Variants in TNRC6C observed in about 807,000 individuals in gnomAD.
TNRC6C encodes trinucleotide repeat containing adaptor 6C, also known as trinucleotide repeat-containing gene 6C protein.
In TNRC6C, 20 loss-of-function variants were observed where a neutral mutation model predicts 153.7. That is an observed-to-expected ratio of 0.13 (90% CI 0.09 to 0.19). TNRC6C has a LOEUF of 0.19. TNRC6C is among the 10% of genes least tolerant of loss of function. The probability of loss-of-function intolerance (pLI) is 1.00; values close to 1 mark genes in which losing one functional copy is unlikely to be tolerated. For synonymous variants in TNRC6C, 811 were observed against 841.4 expected, an observed-to-expected ratio of 0.96 and a Z score of 0.63; for missense variants, 1,987 against 2,172.0, an observed-to-expected ratio of 0.91 and a Z score of 1.69.
At chr17:78,085,308 A>G (rs770126126) in intron 11 of TNRC6C, among the ~76,000 whole-genome samples, 1 of 152,230 alleles carries the variant, frequency 6.6e-6, no homozygotes, top group Non-Finnish European at 1.5e-5. Flanking sequence ...ATTTTAAAAC[A>G]ATGTATTCTG....
chr17:77,999,051 G>C (rs943108228), intron 1 of TNRC6C, among the ~76,000 whole-genome samples: 2 of 152,330 alleles, frequency 1.3e-5, no homozygotes, highest in African/African-American at 4.8e-5. Context: ...GCAGGGGGGT[G>C]TTGACATCGT....
chr17:78,089,323 A>G (rs1196073413), intron 13 of TNRC6C, among the ~76,000 whole-genome samples: 2 of 152,238 alleles, frequency 1.3e-5, no homozygotes, highest in Non-Finnish European at 2.9e-5. Flanking sequence ...GAATTCATGC[A>G]GTGAATCTTT....
At chr17:78,095,518 C>T (rs1010361011) in intron 16 of TNRC6C, among the ~76,000 whole-genome samples, 12 of 152,332 alleles carry the variant, frequency 7.9e-5, no homozygotes, top group African/African-American at 2.2e-4. Flanking sequence ...CCCGGGTGCT[C>T]GACGTTTGGG....
intron 3 of TNRC6C, among the ~76,000 whole-genome samples, chr17:78,055,670 G>A (rs1447630801): frequency 6.6e-6 from 1 of 152,162 alleles, no homozygotes; most frequent in African/African-American, 2.4e-5. Flanking sequence ...GTCCCAATTT[G>A]AATGCCAACT....
intron 6 of TNRC6C, among the ~76,000 whole-genome samples, chr17:78,072,522 G>C (rs181919122): frequency 3.3e-5 from 5 of 152,276 alleles, no homozygotes; most frequent in African/African-American, 1.2e-4. Context: ...AGGTGTCCTT[G>C]TCTGTGGCCC....
At chr17:78,090,996 A>C in intron 13 of TNRC6C, among the ~76,000 whole-genome samples, 1 of 152,228 alleles carries the variant, frequency 6.6e-6, no homozygotes, top group South Asian at 2.1e-4. Context: ...GACTTTTTCT[A>C]TTTTCCTGTG....
Position 78,079,423 on chromosome 17 carries a change from G to A in TNRC6C, c.3239G>A (p.Gly1080Asp). ...CCGAGTGGCAATCTGGGTATGTTTG[G>A]CAATAGTGGAGCAGCACAAGCCAGG... The change falls in exon 10 of 20, where the codon GGC becomes GAC. Residue 1080 changes from glycine to aspartate, a missense_variant. Around this residue, in one of 4 missense-constraint regions of TNRC6C, gnomAD observed 765 missense variants for 908.6 expected, o/e 0.84. Transcript: ENST00000301624. This position sits in a 1 kb window ranked among gnomAD's most constrained non-coding sequence, Gnocchi z 4.3. 6 of 1,613,802 alleles carry A rather than the reference G, an allele frequency of 3.7e-6. No individual in the cohort carries two copies. The highest frequency in any genetic ancestry group is 5.1e-6 in the Non-Finnish European group (6 of 1,179,840).
intron 18 of TNRC6C, chr17:78,102,866 A>G: frequency 6.1e-6 from 2 of 325,298 alleles, no homozygotes; most frequent in Admixed American, 4.8e-5. Context: ...GGCTGGGCGC[A>G]GTAGCTCATG....
At chr17:77,989,905 A>G (rs2071224245) in intron 1 of TNRC6C, among the ~76,000 whole-genome samples, 1 of 152,150 alleles carries the variant, frequency 6.6e-6, no homozygotes, top group South Asian at 2.1e-4. Context: ...ACTTTGATTT[A>G]TATTTCTGCA....
chr17:77,984,357 AAAAAAAAAAAAC>A (rs1411387366), intron 1 of TNRC6C, among the ~76,000 whole-genome samples: 4 of 50,834 alleles, frequency 7.9e-5, no homozygotes, highest in Admixed American at 1.9e-4. Flanking sequence ...ATCAATACTT[AAAAAAAAAAAAC>A]AAAAAAAAAA....
chr17:78,082,977 A>G, intron 10 of TNRC6C, 70 bp from the exon 13 acceptor site: 1 of 1,561,942 alleles, frequency 6.4e-7, no homozygotes, highest in East Asian at 2.3e-5. Context: ...TTGAATTTTG[A>G]AAAACTACAG....
intron 1 of TNRC6C, among the ~76,000 whole-genome samples, chr17:77,987,102 A>T (rs1429739498): frequency 6.6e-6 from 1 of 152,222 alleles, no homozygotes; most frequent in Non-Finnish European, 1.5e-5. Flanking sequence ...TGTTTACAGC[A>T]ACATGATTAA....
In TNRC6C at chr17:78,006,536, T is replaced by TC. The variant is rs1414136715; in HGVS notation, c.-546+1458dup. ...TTCTTCTTCTTCTTCTTCTTCTTCTTCTTCTTCTTCTTCTTCTTCTTCTTC... is the reference window on the plus strand; with the variant it reads ...TTCTTCTTCTTCTTCTTCTTCTTCTTCCTTCTTCTTCTTCTTCTTCTTCTTC... On this transcript the variant is annotated intron_variant, in intron 1 of 19. Transcript: ENST00000301624. Among the ~76,000 whole-genome samples the TC allele has an allele frequency of 7.7e-3, 1,085 of 141,788 alleles. 26 individuals are homozygous for TC. Among genetic ancestry groups the TC allele is most frequent in the African/African-American group, 0.028 (1,032 of 36,340 alleles). The allele number at this position is 141,788 out of a possible 152,430, so 93.0% of individuals were successfully genotyped here.
In TNRC6C at chr17:78,079,548, C is replaced by A. The variant is rs764249851; in HGVS notation, c.3357+7C>A. On this transcript the variant is annotated splice_region_variant and intron_variant, in intron 10 of 19. Coordinates refer to ENST00000301624, the Ensembl canonical transcript of TNRC6C. The surrounding 1 kb of genome is among the most constrained non-coding windows in gnomAD (Gnocchi z 4.3). ...TCAGTTTCTATCCCCTCAGGTCAGA[C>A]CCACATCCAAGCAGGACTGAGCAAC... 6.2e-7 allele frequency: 1 copy of A among 1,613,794 alleles called. No individual in the cohort carries two copies. Among genetic ancestry groups the A allele is most frequent in the Non-Finnish European group, 8.5e-7 (1 of 1,179,820 alleles).
chr17:78,082,987 G>C, intron 10 of TNRC6C, 60 bp from the exon 13 acceptor site: 2 of 1,586,344 alleles, frequency 1.3e-6, no homozygotes, highest in East Asian at 2.2e-5. Context: ...AAAAACTACA[G>C]GTACAAGTAA....
At chr17:77,992,414 C>T (rs1387717637) in intron 1 of TNRC6C, among the ~76,000 whole-genome samples, 1 of 63,824 alleles carries the variant, frequency 1.6e-5, no homozygotes, top group Non-Finnish European at 2.7e-5. Context: ...AGGAGAATGG[C>T]GTGAACCCGG....
chr17:77,995,481 G>A (rs769199450), intron 1 of TNRC6C, among the ~76,000 whole-genome samples: 10 of 152,338 alleles, frequency 6.6e-5, no homozygotes, highest in Non-Finnish European at 1.5e-4. Flanking sequence ...GCAAAAAGCA[G>A]AGTTTGGCAC....
At chr17:78,083,219 C>T (rs1402919246) in intron 11 of TNRC6C, 53 bp downstream of exon 13, 4 of 1,607,632 alleles carry the variant, frequency 2.5e-6, no homozygotes, top group South Asian at 1.1e-5. Context: ...TGCAGATGCA[C>T]GGCACCTGCT....
At position 78,045,696 on chromosome 17, in the gene TNRC6C, C is replaced by T. The variant is rs548480906; in HGVS notation, c.-218-3149C>T. Among the ~76,000 whole-genome samples the T allele has an allele frequency of 2.0e-5, 3 of 152,248 alleles. No homozygotes were observed. In the East Asian group the frequency reaches 5.8e-4, roughly 29 times the overall value. ...TGGAAAACTAAAAAGATATTTGCCACGCCCTCAAGGAACTCACCTTCAGAA... is the reference window on the plus strand; with the variant it reads ...TGGAAAACTAAAAAGATATTTGCCATGCCCTCAAGGAACTCACCTTCAGAA... On this transcript the variant is annotated intron_variant, in intron 2 of 19. Coordinates refer to ENST00000301624, the Ensembl canonical transcript of TNRC6C.
Sources: gnomAD v4.1 joint callset for allele counts (sites outside exome capture counted in the v4.1 genomes callset) on GRCh38, gnomAD v4.1.1 for gene constraint, gnomAD v4.1.1 regional missense constraint, Gnocchi (gnomAD v3.1) non-coding constraint, MANE v1.5 for transcripts, NCBI Gene and HGNC (gene_info 2026-07-23, HGNC 2026-07-21) for gene names.